Variants in P2RY8 observed in about 807,000 individuals in gnomAD.
P2RY8 encodes the protein P2Y receptor family member 8.
Under a neutral mutation model 10.0 loss-of-function variants are expected in P2RY8, and 6 were observed. The ratio of observed to expected loss-of-function variants is 0.60; its 90% confidence interval spans 0.33 to 1.19. P2RY8 has a LOEUF of 1.19. Ranked by LOEUF, P2RY8 falls within the 50% of genes most tolerant of loss-of-function variation. The pLI is 0.04. For synonymous variants in P2RY8, 276 were observed against 252.5 expected (o/e 1.09, Z -0.88); for missense variants, 456 against 542.0 (o/e 0.84, Z 1.58).
chrX:1,508,012 A>C, intron 1 of P2RY8, among the ~76,000 whole-genome samples: 1 of 150,244 alleles, frequency 6.7e-6, no homozygotes, highest in Non-Finnish European at 1.5e-5. Flanking sequence ...CACCTCTTTC[A>C]CCCCGTATGG....
Position 1,463,377 on chromosome X carries a change from G to A in P2RY8, c.*2102C>T. On this transcript the variant is annotated 3_prime_UTR_variant, in exon 2 of 2. Transcript: ENST00000381297. ...AGTTCCCCCTGGAGGCTCTAGGGGA[G>A]GATCCTTCCTGCCTCTCCCAGCTCC... 1 of 232,814 alleles carries A rather than the reference G, an allele frequency of 4.3e-6. No homozygotes were observed. Among genetic ancestry groups the A allele is most frequent in the Non-Finnish European group, 8.5e-6 (1 of 117,772 alleles). 14.4% of individuals were successfully genotyped at this position (232,814 alleles called of 1,614,324 possible).
chrX:1,498,169 G>A (rs2092135270), intron 1 of P2RY8, among the ~76,000 whole-genome samples: 2 of 152,046 alleles, frequency 1.3e-5, no homozygotes, highest in Non-Finnish European at 2.9e-5. Context: ...CACTTTGGGA[G>A]GCCGAGGCGG....
At chrX:1,516,534 T>C (rs1177488716) in intron 1 of P2RY8, among the ~76,000 whole-genome samples, 3 of 150,070 alleles carry the variant, frequency 2.0e-5, no homozygotes, top group African/African-American at 4.9e-5. Context: ...GAAGAGGAGA[T>C]GAGGACACAG....
rs2092532122 is a variant in P2RY8 at position 1,536,967 on chromosome X, C to A, written c.-71G>T. The A allele has an allele frequency of 2.6e-5, 6 of 231,190 alleles. No homozygotes were observed. In the East Asian group the frequency reaches 3.7e-4, roughly 14 times the overall value. 14.3% of individuals were successfully genotyped at this position (231,190 alleles called of 1,614,324 possible). Reference sequence around the variant, plus strand: ...AGTAGCAGGTGAGAGCTCAGAGGGTCTCCAGGTAACAGGATGCAACGCTTA... The same window carrying A: ...AGTAGCAGGTGAGAGCTCAGAGGGTATCCAGGTAACAGGATGCAACGCTTA... On this transcript the variant is annotated 5_prime_UTR_variant, in exon 1 of 2. Transcript: ENST00000381297.
chrX:1,482,717 A>G (rs1365828299), intron 1 of P2RY8, among the ~76,000 whole-genome samples: 1 of 152,166 alleles, frequency 6.6e-6, no homozygotes, highest in Admixed American at 6.6e-5. Flanking sequence ...TCCCAGCACC[A>G]TTTATGAAAA....
chrX:1,485,242 G>C (rs1177896266), intron 1 of P2RY8, among the ~76,000 whole-genome samples: 2 of 151,952 alleles, frequency 1.3e-5, no homozygotes, highest in Non-Finnish European at 2.9e-5. Context: ...GCTTCAAGCA[G>C]TTCTCGTGCC....
At chrX:1,495,695 C>T (rs1250203539) in intron 1 of P2RY8, among the ~76,000 whole-genome samples, 4 of 125,818 alleles carry the variant, frequency 3.2e-5, no homozygotes, top group Non-Finnish European at 7.1e-5. Context: ...AGAGAGATGA[C>T]CCTGTGAGGA....
intron 1 of P2RY8, among the ~76,000 whole-genome samples, chrX:1,524,645 A>ATACATCCATG (rs1569538712): frequency 7.1e-5 from 3 of 42,254 alleles, no homozygotes; most frequent in African/African-American, 2.9e-4. Flanking sequence ...ATCCATCCAT[A>ATACATCCATG]CATCCATCCA....
At chrX:1,531,687 C>A (rs746822953) in intron 1 of P2RY8, among the ~76,000 whole-genome samples, 2 of 152,290 alleles carry the variant, frequency 1.3e-5, no homozygotes, top group East Asian at 3.9e-4. Context: ...AATCACACAT[C>A]CTGCTTCCAC....
chrX:1,472,814 G>T (rs1392168859), intron 1 of P2RY8, among the ~76,000 whole-genome samples: 1 of 150,332 alleles, frequency 6.7e-6, no homozygotes, highest in Non-Finnish European at 1.5e-5. Context: ...TAGATGGATG[G>T]GTGGATGTAT....
Position 1,466,092 on chromosome X carries a change from G to A in P2RY8, c.467C>T (p.Ser156Phe). Residue 156 changes from serine to phenylalanine, a missense_variant, in exon 2 of 2, where the codon TCC (serine) becomes TTC (phenylalanine). Transcript: ENST00000381297. The stretch of plus-strand genomic sequence containing the variant: ...GGTGAGATCGGTGCGCGCCAGCGGG[G>A]ACAGGGCGGTCAGGAGCAGCAGCCA... ...GTWLLLLTALSPLARTDLTYP... is the reference protein window; with the variant it reads ...GTWLLLLTALFPLARTDLTYP... 2 of 1,611,668 alleles carry A rather than the reference G, an allele frequency of 1.2e-6. No individual in the cohort carries two copies. The highest frequency in any genetic ancestry group is 2.2e-5 in the East Asian group (1 of 44,878).
chrX:1,524,657 C>T (rs868406860), intron 1 of P2RY8, among the ~76,000 whole-genome samples: 1 of 90,496 alleles, frequency 1.1e-5, no homozygotes, highest in Admixed American at 1.1e-4. Context: ...ATCCATCCAT[C>T]CATCCATCCA....
chrX:1,493,963 A>C (rs1342574839), intron 1 of P2RY8: 15 of 152,184 alleles, frequency 9.9e-5, no homozygotes, highest in Non-Finnish European at 2.1e-4. Flanking sequence ...CACACACCCC[A>C]AAGGGAGGCT....
chrX:1,535,456 G>A (rs2092517118), intron 1 of P2RY8, among the ~76,000 whole-genome samples: 1 of 151,730 alleles, frequency 6.6e-6, no homozygotes. Context: ...CCAAAGTGCT[G>A]GGATTACAGG....
chrX:1,501,919 A>G (rs2092184398), intron 1 of P2RY8, among the ~76,000 whole-genome samples: 1 of 147,462 alleles, frequency 6.8e-6, no homozygotes, highest in African/African-American at 2.5e-5. Context: ...GATTATTATT[A>G]TTATTTTTTG....
chrX:1,530,561 A>G (rs2092467287), intron 1 of P2RY8, among the ~76,000 whole-genome samples: 1 of 149,608 alleles, frequency 6.7e-6, no homozygotes, highest in South Asian at 2.2e-4. Context: ...CTATGTATCT[A>G]TCTATCTGAT....
intron 1 of P2RY8, among the ~76,000 whole-genome samples, chrX:1,533,153 G>A (rs757164786): frequency 2.0e-5 from 3 of 150,746 alleles, no homozygotes; most frequent in East Asian, 3.9e-4. Context: ...CTTGGGTGAC[G>A]GATACCCTGA....
chrX:1,486,484 G>A (rs1468264812), intron 1 of P2RY8, among the ~76,000 whole-genome samples: 1 of 152,152 alleles, frequency 6.6e-6, no homozygotes, highest in African/African-American at 2.4e-5. Context: ...ACATGGTGTA[G>A]GACTCCATTT....
chrX:1,495,566 C>A (rs1414045921), intron 1 of P2RY8, among the ~76,000 whole-genome samples: 1 of 146,680 alleles, frequency 6.8e-6, no homozygotes, highest in Non-Finnish European at 1.5e-5. Flanking sequence ...GCCTCCAGGA[C>A]TGTGGGAGAA....
Sources: gnomAD v4.1 joint callset for allele counts (sites outside exome capture counted in the v4.1 genomes callset) on GRCh38, gnomAD v4.1.1 for gene constraint, MANE v1.5 for transcripts, NCBI Gene and HGNC (gene_info 2026-07-23, HGNC 2026-07-21) for gene names.